Variants in ERC2 observed in about 807,000 individuals in gnomAD.
The protein encoded by ERC2 is ELKS/RAB6-interacting/CAST family member 2.
A neutral mutation model predicts 114.8 loss-of-function variants in ERC2; 42 were observed. The observed-to-expected ratio is 0.37, with a 90% confidence interval of 0.29 to 0.47. ERC2 has a LOEUF of 0.47. Among genes scored for constraint, ERC2 ranks in the 20% least tolerant of loss-of-function variants. The pLI, the probability that ERC2 is intolerant of heterozygous loss-of-function variation, is 0.99. For synonymous variants in ERC2, 454 were observed against 425.5 expected (o/e 1.07, Z -0.82); for missense variants, 939 against 1,150.7 (o/e 0.82, Z 2.66).
intron 2 of ERC2, among the ~76,000 whole-genome samples, chr3:56,325,563 C>T (rs937923130): frequency 6.6e-5 from 10 of 152,132 alleles, no homozygotes; most frequent in African/African-American, 1.7e-4. Context: ...GTCTTCTATA[C>T]ATTGTAAATG....
At chr3:55,599,409 TAAGTA>T (rs1478950272) in intron 17 of ERC2, among the ~76,000 whole-genome samples, 2 of 152,346 alleles carry the variant, frequency 1.3e-5, no homozygotes, top group South Asian at 2.1e-4. Context: ...GTATTTAAAT[TAAGTA>T]ATGTTTTTAA....
At chr3:55,930,026 G>A (rs2149400564) in intron 13 of ERC2, among the ~76,000 whole-genome samples, 1 of 152,252 alleles carries the variant, frequency 6.6e-6, no homozygotes, top group Non-Finnish European at 1.5e-5. Flanking sequence ...ATCACTTGAG[G>A]TCAGGAATTC....
chr3:56,147,923 ATT>A (rs1383614658), intron 5 of ERC2, among the ~76,000 whole-genome samples: 1 of 152,192 alleles, frequency 6.6e-6, no homozygotes, highest in African/African-American at 2.4e-5. Context: ...CCACAAATTT[ATT>A]TTTGAAAAAA....
chr3:56,404,676 C>G (rs772690613), intron 2 of ERC2, among the ~76,000 whole-genome samples: 8 of 151,432 alleles, frequency 5.3e-5, no homozygotes, highest in Non-Finnish European at 1.0e-4. Context: ...TGCCATGTAT[C>G]CCATAAACAT....
intron 14 of ERC2, among the ~76,000 whole-genome samples, chr3:55,822,477 G>C (rs75878002): frequency 6.6e-6 from 1 of 152,174 alleles, no homozygotes; most frequent in African/African-American, 2.4e-5. Context: ...CCCACTCAGT[G>C]AGCATGCTTA....
chr3:55,667,075 T>G (rs1249853602), intron 17 of ERC2, among the ~76,000 whole-genome samples: 1 of 152,224 alleles, frequency 6.6e-6, no homozygotes, highest in East Asian at 1.9e-4. Flanking sequence ...CTATATCATG[T>G]TGTCATGTTG....
chr3:56,331,867 A>C (rs2057633102), intron 2 of ERC2, among the ~76,000 whole-genome samples: 1 of 152,222 alleles, frequency 6.6e-6, no homozygotes, highest in Admixed American at 6.5e-5. Context: ...GGATCCCAAA[A>C]GCTAGGCAGA....
intron 17 of ERC2, among the ~76,000 whole-genome samples, chr3:55,595,577 G>A (rs2058089671): frequency 6.6e-6 from 1 of 152,222 alleles, no homozygotes; most frequent in Non-Finnish European, 1.5e-5. Context: ...AGCGCATTAA[G>A]GCTCTCTGCA....
rs1335729416 is a variant in ERC2, at chr3:56,435,050, T to C, written c.-43A>G. On this transcript the variant is annotated 5_prime_UTR_variant, in exon 2 of 18. It adds an upstream start codon to the 5' untranslated region. Coordinates refer to ENST00000288221, the MANE Select transcript of ERC2 (RefSeq NM_015576.3). ...GTGTTACTGAAGAGAAGAAATGCTA[T>C]ATTAAGTTGGGGTTTGAGCTAATAT... The C allele has an allele frequency of 1.4e-6, 2 of 1,469,870 alleles. No individual in the cohort carries two copies. Among genetic ancestry groups the C allele is most frequent in the East Asian group, 2.3e-5 (1 of 43,614 alleles). The allele number at this position is 1,469,870 out of a possible 1,614,324, so 91.1% of individuals were successfully genotyped here.
intron 6 of ERC2, among the ~76,000 whole-genome samples, chr3:56,124,370 T>G (rs1398343302): frequency 6.6e-6 from 1 of 152,194 alleles, no homozygotes. Context: ...TACAGAAGTA[T>G]AACACCCAGG....
chr3:56,144,345 A>G (rs1355275274), intron 5 of ERC2, among the ~76,000 whole-genome samples: 1 of 152,206 alleles, frequency 6.6e-6, no homozygotes, highest in African/African-American at 2.4e-5. Context: ...ATGATAAAAG[A>G]TACTAAAATC....
At chr3:56,073,179 G>A (rs1304974457) in intron 7 of ERC2, among the ~76,000 whole-genome samples, 2 of 152,130 alleles carry the variant, frequency 1.3e-5, no homozygotes, top group Non-Finnish European at 2.9e-5. Flanking sequence ...AATACTGAAA[G>A]GTGGGAGAAA....
In ERC2 at chr3:55,916,511, G is replaced by T. The variant is rs138501982; in HGVS notation, c.2404-27962C>A. On this transcript the variant is annotated intron_variant, in intron 13 of 17. Transcript: ENST00000288221. Reference sequence around the variant, plus strand: ...CTTCTTCGTTAATAATCACATGTGCGCTAGTATAGTATCATCAAAAGTTAC... The same window carrying T: ...CTTCTTCGTTAATAATCACATGTGCTCTAGTATAGTATCATCAAAAGTTAC... Among the ~76,000 whole-genome samples, 110 of 152,262 alleles carry T rather than the reference G, an allele frequency of 7.2e-4. No individual in the cohort carries two copies. The East Asian group carries it at 0.012, about 16-fold the overall frequency.
At chr3:56,435,249 G>T in intron 1 of ERC2, 102 bp from the exon 2 acceptor site, 3 of 377,536 alleles carry the variant, frequency 7.9e-6, no homozygotes, top group Non-Finnish European at 9.7e-6. Flanking sequence ...TACCTATGTA[G>T]ATAGGTGATT....
intron 1 of ERC2, among the ~76,000 whole-genome samples, chr3:56,451,109 T>C (rs2062811743): frequency 6.6e-6 from 1 of 152,188 alleles, no homozygotes; most frequent in Admixed American, 6.5e-5. Flanking sequence ...GCTTCAGTTA[T>C]AGTATACTTA....
intron 12 of ERC2, among the ~76,000 whole-genome samples, chr3:55,973,212 C>T (rs184951758): frequency 6.6e-6 from 1 of 152,176 alleles, no homozygotes; most frequent in Admixed American, 6.5e-5. Context: ...GTCCAAATTA[C>T]CAAGTGGGAC....
intron 3 of ERC2, among the ~76,000 whole-genome samples, chr3:56,260,365 A>G (rs941695963): frequency 4.6e-5 from 7 of 152,216 alleles, no homozygotes; most frequent in African/African-American, 1.7e-4. Flanking sequence ...GGCAAAAAAA[A>G]AGGTTGAATG....
intron 3 of ERC2, among the ~76,000 whole-genome samples, chr3:56,242,382 G>T (rs943747589): frequency 3.3e-4 from 50 of 152,014 alleles, no homozygotes; most frequent in African/African-American, 1.1e-3. Flanking sequence ...CAGGTGACGG[G>T]TATACCAAAA....
chr3:55,554,484 A>G (rs573664253), intron 17 of ERC2, among the ~76,000 whole-genome samples: 1 of 152,320 alleles, frequency 6.6e-6, no homozygotes, highest in East Asian at 1.9e-4. Context: ...AGCCAGGCTG[A>G]AGCCGGACTC....
Sources: allele counts gnomAD v4.1 joint callset (sites outside exome capture counted in the v4.1 genomes callset), GRCh38; gene constraint gnomAD v4.1.1; transcripts MANE v1.5; gene names NCBI Gene and HGNC (gene_info 2026-07-23, HGNC 2026-07-21).